ZNF74: variants seen among roughly 807,000 people sequenced by gnomAD.
ZNF74 encodes zinc finger protein 74.
In ZNF74, 12 loss-of-function variants were observed where a neutral mutation model predicts 17.7. The observed-to-expected ratio is 0.68, with a 90% CI of 0.43 to 1.10. ZNF74 has a LOEUF of 1.10. ZNF74 is among the 50% of genes least tolerant of loss of function. ZNF74 has a pLI of 0.00. For missense variants in ZNF74, 811 were observed against 881.0 expected, an observed-to-expected ratio of 0.92 and a Z score of 1.01; for synonymous variants, 358 against 362.1, an observed-to-expected ratio of 0.99 and a Z score of 0.13.
At chr22:20,396,036 G>A (rs919133534) in intron 2 of ZNF74, among the ~76,000 whole-genome samples, 1 of 152,138 alleles carries the variant, frequency 6.6e-6, no homozygotes, top group Non-Finnish European at 1.5e-5. Flanking sequence ...TTTACAGACT[G>A]TGAACTCTGT....
intron 4 of ZNF74, among the ~76,000 whole-genome samples, chr22:20,404,828 T>C (rs1470516407): frequency 6.6e-6 from 1 of 152,210 alleles, no homozygotes; most frequent in South Asian, 2.1e-4. Flanking sequence ...TAGTCCTAGC[T>C]ACTCGGGAGG....
At chr22:20,403,751 A>G (rs922385242) in intron 4 of ZNF74, among the ~76,000 whole-genome samples, 6 of 152,286 alleles carry the variant, frequency 3.9e-5, no homozygotes, top group African/African-American at 1.4e-4. Context: ...CCTGGACAAC[A>G]GAGCGAGACT....
intron 1 of ZNF74, chr22:20,394,889 T>C (rs1448727670): frequency 1.8e-6 from 1 of 548,864 alleles, no homozygotes; most frequent in Non-Finnish European, 3.2e-6. Context: ...ACCTCCCAAG[T>C]AGTTGGGATT....
chr22:20,405,475 G>C lies in ZNF74; in HGVS notation c.442G>C (p.Ala148Pro), dbSNP rs765092470. 15 of 1,609,076 alleles carry C rather than the reference G, an allele frequency of 9.3e-6. No individual in the cohort carries two copies. The African/African-American group carries it at 1.1e-4, about 11-fold the overall frequency. The part of the protein sequence containing the change: ...IMERPLGGAQ[A>P]WGRQAGALQR... ...GGAGCGGCCCCTCGGCGGGGCGCAG[G>C]CGTGGGGGCGCCAGGCAGGTGCTCT... The change falls in exon 5 of 5, where the codon GCG (alanine) becomes CCG (proline). Residue 148 changes from alanine to proline, a missense_variant. Ala to Pro is a conservative substitution (Grantham distance 27). This residue lies in a region of ZNF74 where 666 missense variants were observed against 702.3 expected (regional missense o/e 0.95). Coordinates refer to ENST00000400451, the MANE Select transcript of ZNF74 (RefSeq NM_003426.4).
chr22:20,400,991 A>C, intron 3 of ZNF74: 1 of 605,750 alleles, frequency 1.7e-6, no homozygotes, highest in Non-Finnish European at 2.9e-6. Context: ...TGGTCCTGGG[A>C]TAGGGGCAGG....
chr22:20,400,610 G>A (rs2052345676), intron 2 of ZNF74, 22 bp from the exon 3 acceptor site: 3 of 1,614,036 alleles, frequency 1.9e-6, no homozygotes, highest in Non-Finnish European at 2.5e-6. Flanking sequence ...AGTCCTGGGT[G>A]AGAACCTATA....
rs959352315 is a variant in ZNF74, at chr22:20,401,569, C to T, written c.343+197C>T. On this transcript the variant is annotated intron_variant, in intron 4 of 4. Transcript: ENST00000400451. This position sits in a 1 kb window ranked among gnomAD's most constrained non-coding sequence, Gnocchi z 4.2. ...TGCTGAGACCTGTTCTGGGATACAA[C>T]AGGGAACAAACCTGGCCACTGGGAC... is the stretch of plus-strand genomic sequence containing the variant. Among the ~76,000 whole-genome samples, 1 of 152,294 alleles carries T rather than the reference C, an allele frequency of 6.6e-6. No individual in the cohort carries two copies. Among genetic ancestry groups the T allele is most frequent in the African/African-American group, 2.4e-5 (1 of 41,546 alleles).
chr22:20,394,534 C>A lies in ZNF74; in HGVS notation c.-95C>A. 1.5e-6 allele frequency: 2 copies of A among 1,365,864 alleles called. No individual in the cohort carries two copies. Among genetic ancestry groups the A allele is most frequent in the Non-Finnish European group, 1.0e-6 (1 of 963,316 alleles). The allele number at this position is 1,365,864 out of a possible 1,614,324, so 84.6% of individuals were successfully genotyped here. A position where few individuals can be genotyped will look rare whatever the true frequency, so the allele number is the denominator to read the frequency against. ...CCGCGGGGCTCCGCTGCAGGCCCCT[C>A]AGCCCCAGGAGCAGTACTCGCTCTT... On this transcript the variant is annotated 5_prime_UTR_variant, in exon 1 of 5. Transcript: ENST00000400451.
At position 20,405,569 on chromosome 22, in the gene ZNF74, TC is replaced by T. The variant is rs1362934854; in HGVS notation, c.541del (p.Leu181SerfsTer430). The T allele has an allele frequency of 2.2e-5, 36 of 1,610,366 alleles. No homozygotes were observed. Among genetic ancestry groups the T allele is most frequent in the Non-Finnish European group, 3.1e-5 (36 of 1,178,084 alleles). On this transcript the variant is annotated frameshift_variant, in exon 5 of 5. Coordinates refer to ENST00000400451, the MANE Select transcript of ZNF74 (RefSeq NM_003426.4). LOFTEE classifies it low-confidence loss of function (END_TRUNC). ...GTCTGGGACGTCCCTGTAGAGGAAT[TC>T]CCCCTCAGGTGTCCCCTCTTCGCCC... is the stretch of plus-strand genomic sequence containing the variant. Reference protein sequence around the residue: ...AMVWDVPVEEFPLRCPLFAQQ... With the variant: ...AMVWDVPVEEXPLRCPLFAQQ...
Position 20,407,132 on chromosome 22 carries a change from G to A in ZNF74, c.*164G>A. 9.0e-7 allele frequency: 1 copy of A among 1,110,308 alleles called. No individual in the cohort carries two copies. Among genetic ancestry groups the A allele is most frequent in the Non-Finnish European group, 1.2e-6 (1 of 805,302 alleles). The allele number at this position is 1,110,308 out of a possible 1,614,324, so 68.8% of individuals were successfully genotyped here. On this transcript the variant is annotated 3_prime_UTR_variant, in exon 5 of 5. Transcript: ENST00000400451. ...TGCCAGGGTGCCTCCTCTAGTTAAA[G>A]TCAGTCACCTCCCCAGAAGGGCCAC... is the stretch of plus-strand genomic sequence containing the variant.
intron 3 of ZNF74, 200 bp downstream of exon 3, chr22:20,400,958 G>A: frequency 4.7e-6 from 3 of 634,540 alleles, no homozygotes; most frequent in Non-Finnish European, 8.2e-6. Flanking sequence ...GGAGCTGGTA[G>A]CATCCTTGCT....
Position 20,407,016 on chromosome 22 carries a change from G to C in ZNF74, c.*48G>C, listed in dbSNP as rs1404904131. 6.5e-7 allele frequency: 1 copy of C among 1,548,384 alleles called. No homozygotes were observed. Among genetic ancestry groups the C allele is most frequent in the East Asian group, 2.3e-5 (1 of 43,306 alleles). The stretch of plus-strand genomic sequence containing the variant: ...AGCTGCTTTCTGAGCTACTCAACAA[G>C]GAAAGCACCCTGGTCCTCCCTGGCT... On this transcript the variant is annotated 3_prime_UTR_variant, in exon 5 of 5. Coordinates refer to ENST00000400451, the MANE Select transcript of ZNF74 (RefSeq NM_003426.4).
intron 2 of ZNF74, among the ~76,000 whole-genome samples, chr22:20,399,041 T>C (rs577077195): frequency 6.6e-6 from 1 of 152,350 alleles, no homozygotes; most frequent in African/African-American, 2.4e-5. Context: ...GAACTTTGTG[T>C]GATTTAAAGT....
In ZNF74 at chr22:20,406,359, G is replaced by A; in HGVS notation, c.1326G>A (p.Lys442=). Residue 442 remains lysine, a synonymous_variant, in exon 5 of 5, where the codon AAG becomes AAA. Coordinates refer to ENST00000400451, the MANE Select transcript of ZNF74 (RefSeq NM_003426.4). ...ACCAGAGGACGCACACGGGCGAGAA[G>A]CCCTTCAAGTGCGCCGACTGCGGGA... ...TLHQRTHTGE[K]PFKCADCGKG... is the part of the protein sequence containing the mutation. The A allele has an allele frequency of 6.2e-7, 1 of 1,613,492 alleles. No homozygotes were observed. The highest frequency in any genetic ancestry group is 2.2e-5 in the East Asian group (1 of 44,860).
intron 2 of ZNF74, chr22:20,400,121 G>T (rs2052340622): frequency 6.1e-6 from 1 of 165,002 alleles, no homozygotes; most frequent in Non-Finnish European, 1.3e-5. Flanking sequence ...GCCTCTCTTA[G>T]TCCCTTGGGG....
chr22:20,401,156 C>G lies in ZNF74; in HGVS notation c.248-121C>G, dbSNP rs1347948592. On this transcript the variant is annotated intron_variant, in intron 3 of 4. Coordinates refer to ENST00000400451, the MANE Select transcript of ZNF74 (RefSeq NM_003426.4). The surrounding 1 kb of genome is among the most constrained non-coding windows in gnomAD (Gnocchi z 4.2). ...CCCTCACTGCTTTTGGCCCAGAGGA[C>G]CTCCTGTTCCCAGAGAGGGTGTCCA... is the stretch of plus-strand genomic sequence containing the variant. The G allele has an allele frequency of 3.0e-6, 2 of 669,186 alleles. No individual in the cohort carries two copies. Among genetic ancestry groups the G allele is most frequent in the Non-Finnish European group, 5.3e-6 (2 of 379,628 alleles). The allele number at this position is 669,186 out of a possible 1,614,324, so 41.5% of individuals were successfully genotyped here.
chr22:20,402,194 G>A (rs1482812118), intron 4 of ZNF74, among the ~76,000 whole-genome samples: 1 of 152,100 alleles, frequency 6.6e-6, no homozygotes, highest in African/African-American at 2.4e-5. Flanking sequence ...GGGGGTCGGG[G>A]AAGGCAGCCC....
Position 20,406,300 on chromosome 22 carries a change from A to G in ZNF74, c.1267A>G (p.Lys423Glu). The change falls in exon 5 of 5, where the codon AAG (lysine) becomes GAG (glutamate). Residue 423 changes from lysine to glutamate, a missense_variant. By Grantham distance (56) the Lys-to-Glu change is moderately conservative. Coordinates refer to ENST00000400451, the MANE Select transcript of ZNF74 (RefSeq NM_003426.4). The part of the protein sequence containing the change: ...DKPFKCSDCE[K>E]AFNSRSRLTL... ...GCCGTTCAAGTGCAGCGACTGCGAG[A>G]AGGCCTTCAACAGCCGCTCGCGCCT... 1 of 1,612,212 alleles carries G rather than the reference A, an allele frequency of 6.2e-7. No homozygotes were observed.
intron 3 of ZNF74, 89 bp downstream of exon 3, chr22:20,400,847 C>G: frequency 6.8e-7 from 1 of 1,480,616 alleles, no homozygotes; most frequent in South Asian, 1.3e-5. Context: ...AGTGCCGGCC[C>G]TGGTGCCAGA....
Sources: allele counts gnomAD v4.1 joint callset (sites outside exome capture counted in the v4.1 genomes callset), GRCh38; gene constraint gnomAD v4.1.1; regional missense constraint gnomAD v4.1.1; non-coding constraint Gnocchi (gnomAD v3.1); transcripts MANE v1.5; gene names NCBI Gene and HGNC (gene_info 2026-07-23, HGNC 2026-07-21).